The following SCAF11 variants were observed in gnomAD, a reference collection of about 807,000 sequenced individuals.
The protein encoded by SCAF11 is SR-related CTD associated factor 11.
Under a neutral mutation model 140.5 loss-of-function variants are expected in SCAF11, and 47 were observed. The ratio of observed to expected loss-of-function variants is 0.33; its 90% CI spans 0.26 to 0.43. The LOEUF (loss-of-function observed/expected upper bound fraction) is 0.43, where lower values mean the gene tolerates loss of function less well. SCAF11 is among the 20% of genes least tolerant of loss of function. SCAF11 has a pLI of 1.00. For missense variants in SCAF11, 1,645 were observed against 1,705.1 expected (o/e 0.96, Z 0.62); for synonymous variants, 557 against 579.4 (o/e 0.96, Z 0.55).
At chr12:45,974,658 A>T (rs146678365) in intron 1 of SCAF11, 1 of 172,810 alleles carries the variant, frequency 5.8e-6, no homozygotes, top group African/African-American at 2.4e-5. Context: ...TTCTAATTCT[A>T]TAATAGTTCT....
intron 1 of SCAF11, among the ~76,000 whole-genome samples, chr12:45,985,439 A>G (rs931927091): frequency 6.6e-6 from 1 of 152,068 alleles, no homozygotes; most frequent in Non-Finnish European, 1.5e-5. Context: ...AGATTTTACC[A>G]TTCTGTTTGA....
intron 6 of SCAF11, among the ~76,000 whole-genome samples, chr12:45,935,761 T>A (rs1945159506): frequency 6.6e-6 from 1 of 152,232 alleles, no homozygotes; most frequent in Non-Finnish European, 1.5e-5. Flanking sequence ...ATGCTACATG[T>A]GAAAATCCAG....
chr12:45,989,310 G>C (rs1178862028), intron 1 of SCAF11, among the ~76,000 whole-genome samples: 1 of 152,102 alleles, frequency 6.6e-6, no homozygotes, highest in Non-Finnish European at 1.5e-5. Flanking sequence ...CCAAATCGGA[G>C]AAAAAAATTT....
At position 45,948,420 on chromosome 12, in the gene SCAF11, TA is replaced by T; in HGVS notation, c.398+16del. Reference sequence around the variant, plus strand: ...GTTCCACTCATTTGCATTCCACTTCTAAAGTTAATCACTAACCTTATACAGC... The same window carrying T: ...GTTCCACTCATTTGCATTCCACTTCTAAGTTAATCACTAACCTTATACAGC... On this transcript the variant is annotated intron_variant, in intron 5 of 14. Coordinates refer to ENST00000369367, the MANE Select transcript of SCAF11 (RefSeq NM_004719.3). The T allele has an allele frequency of 6.5e-7, 1 of 1,542,948 alleles. No individual in the cohort carries two copies.
intron 3 of SCAF11, chr12:45,956,288 G>T: frequency 1.6e-6 from 1 of 643,266 alleles, no homozygotes; most frequent in South Asian, 1.8e-5. Flanking sequence ...TGGGAATCTC[G>T]AACATCTATC....
rs1944906653 is a variant in SCAF11 at position 45,927,391 on chromosome 12, A to C, written c.2310T>G (p.Val770=). 1 of 1,613,938 alleles carries C rather than the reference A, an allele frequency of 6.2e-7. No homozygotes were observed. Among genetic ancestry groups the C allele is most frequent in the African/African-American group, 1.3e-5 (1 of 74,892 alleles). ...CTTTTGGGCTTTCAGATGGTTGAGAAACAGTTTCAACCTTTTCATCCGCAA... is the reference window on the plus strand; with the variant it reads ...CTTTTGGGCTTTCAGATGGTTGAGACACAGTTTCAACCTTTTCATCCGCAA... ...SDLADEKVET[V]SQPSESPKDT... The change falls in exon 11 of 15, where the codon GTT becomes GTG. Residue 770 remains valine, a synonymous_variant. Coordinates refer to ENST00000369367, the MANE Select transcript of SCAF11 (RefSeq NM_004719.3).
rs375848773 is a variant in SCAF11 at position 45,985,927 on chromosome 12, C to G, written c.-22+4426G>C. ...TTATCAACACTTGACCCAACTCTCT[C>G]TTCTTGACTTCTATCTCCTTGTAAC... On this transcript the variant is annotated intron_variant, in intron 1 of 14. Coordinates refer to ENST00000369367, the MANE Select transcript of SCAF11 (RefSeq NM_004719.3). Among the ~76,000 whole-genome samples the G allele has an allele frequency of 7.9e-5, 12 of 152,296 alleles. No homozygotes were observed. The East Asian group carries it at 2.3e-3, about 29-fold the overall frequency.
At chr12:45,952,640 TAAGA>T (rs773328127) in intron 3 of SCAF11, among the ~76,000 whole-genome samples, 2 of 152,198 alleles carry the variant, frequency 1.3e-5, no homozygotes, top group Non-Finnish European at 2.9e-5. Flanking sequence ...GCATCAACTC[TAAGA>T]GTTTCTCTGA....
intron 1 of SCAF11, among the ~76,000 whole-genome samples, chr12:45,985,055 C>A (rs915509078): frequency 6.6e-6 from 1 of 152,190 alleles, no homozygotes. Context: ...TGCCCCAGCA[C>A]TGGAATCAAC....
intron 6 of SCAF11, among the ~76,000 whole-genome samples, chr12:45,940,622 C>G (rs1945273522): frequency 6.6e-6 from 1 of 152,138 alleles, no homozygotes; most frequent in African/African-American, 2.4e-5. Context: ...ACAGAGTTAT[C>G]TTATTAACCT....
intron 6 of SCAF11, among the ~76,000 whole-genome samples, chr12:45,942,363 A>G (rs1945322046): frequency 6.6e-6 from 1 of 152,224 alleles, no homozygotes; most frequent in Non-Finnish European, 1.5e-5. Context: ...AAATAAAAAG[A>G]ACAAAAAAGA....
rs369428457 is a variant in SCAF11 at position 45,928,871 on chromosome 12, T to TAA, written c.842-14_842-13dup. 729 of 1,021,382 alleles carry TAA rather than the reference T, an allele frequency of 7.1e-4. No individual in the cohort carries two copies. Among genetic ancestry groups the TAA allele is most frequent in the Non-Finnish European group, 8.2e-4 (639 of 777,734 alleles). 63.3% of individuals were successfully genotyped at this position (1,021,382 alleles called of 1,614,324 possible). ...CTTGCAAGAAGTACCTAATAATATT[T>TAA]AAAAAAAAAAAAAAAGTAAAAAATA... On this transcript the variant is annotated splice_polypyrimidine_tract_variant and intron_variant, in intron 10 of 14. Transcript: ENST00000369367.
At chr12:45,933,846 A>G (rs1446874608) in intron 8 of SCAF11, among the ~76,000 whole-genome samples, 1 of 152,176 alleles carries the variant, frequency 6.6e-6, no homozygotes, top group Non-Finnish European at 1.5e-5. Flanking sequence ...GATCAGCTGT[A>G]AAAGGGTTCT....
rs114506482 is a variant in SCAF11 at position 45,945,929 on chromosome 12, C to T, written c.399-616G>A. The stretch of plus-strand genomic sequence containing the variant: ...CTGGTCTCAAACCCCGGATCTCAAG[C>T]GATTCTCCCCCTCAGCCTCCCAAAG... On this transcript the variant is annotated intron_variant, in intron 5 of 14. Coordinates refer to ENST00000369367, the MANE Select transcript of SCAF11 (RefSeq NM_004719.3). Among the ~76,000 whole-genome samples, 918 of 152,014 alleles carry T rather than the reference C, an allele frequency of 6.0e-3. 16 individuals carry two copies. Among genetic ancestry groups the T allele is most frequent in the African/African-American group, 0.021 (855 of 41,438 alleles).
intron 1 of SCAF11, among the ~76,000 whole-genome samples, chr12:45,964,642 G>A (rs1473924396): frequency 6.6e-6 from 1 of 151,866 alleles, no homozygotes; most frequent in Non-Finnish European, 1.5e-5. Flanking sequence ...ACTCCAGCCT[G>A]GGGGACACAG....
intron 1 of SCAF11, among the ~76,000 whole-genome samples, chr12:45,980,187 A>G (rs142155381): frequency 6.6e-6 from 1 of 152,336 alleles, no homozygotes; most frequent in South Asian, 2.1e-4. Context: ...TTACCAACAA[A>G]TAACACAAAT....
intron 6 of SCAF11, among the ~76,000 whole-genome samples, chr12:45,941,801 T>TG (rs1353298814): frequency 6.6e-6 from 1 of 152,224 alleles, no homozygotes; most frequent in East Asian, 1.9e-4. Context: ...AGCTGACCCT[T>TG]GAACAACATG....
At chr12:45,934,387 G>T in intron 7 of SCAF11, 60 bp downstream of exon 7, 1 of 1,390,396 alleles carries the variant, frequency 7.2e-7, no homozygotes, top group Non-Finnish European at 1.0e-6. Flanking sequence ...GTTATTTATG[G>T]ACTAAATAAC....
Position 45,926,913 on chromosome 12 carries a change from T to C in SCAF11, c.2788A>G (p.Arg930Gly). The C allele has an allele frequency of 6.2e-7, 1 of 1,613,342 alleles. No homozygotes were observed. The highest frequency in any genetic ancestry group is 2.2e-5 in the East Asian group (1 of 44,882). Residue 930 changes from arginine to glycine, a missense_variant, in exon 11 of 15, where the codon AGA becomes GGA. Physicochemically the swap from Arg to Gly is moderately radical, Grantham distance 125 (BLOSUM62 -2). Around this residue, in one of 2 missense-constraint regions of SCAF11, gnomAD observed 1,582 missense variants for 1,609.2 expected, o/e 0.98. Transcript: ENST00000369367. The stretch of plus-strand genomic sequence containing the variant: ...TGAGATCTGGACCTAGACCACTTTC[T>C]GGTTCTCCTTTCTCTCTCTCTCCTC... The part of the protein sequence containing the change: ...GQRRERERRT[R>G]KWSRSRSHSR...
Sources: allele counts gnomAD v4.1 joint callset (sites outside exome capture counted in the v4.1 genomes callset), GRCh38; gene constraint gnomAD v4.1.1; regional missense constraint gnomAD v4.1.1; transcripts MANE v1.5; gene names NCBI Gene and HGNC (gene_info 2026-07-23, HGNC 2026-07-21).